HOXC6: variants seen among roughly 807,000 people sequenced by gnomAD.
The protein encoded by HOXC6 is homeobox C6, also known as homeobox protein Hox-C6.
HOXC6 carries 10 observed loss-of-function variants against 24.0 expected under a neutral mutation model. That is an observed-to-expected ratio of 0.42 (90% confidence interval 0.26 to 0.71). The LOEUF is 0.71. Among genes scored for constraint, HOXC6 ranks in the 30% least tolerant of loss-of-function variants. The pLI is 0.28. For missense variants in HOXC6, 258 were observed against 303.4 expected (o/e 0.85, Z 1.11); for synonymous variants, 123 against 128.1 (o/e 0.96, Z 0.27).
intron 1 of HOXC6, among the ~76,000 whole-genome samples, chr12:54,019,647 C>G (rs1940340027): frequency 6.6e-6 from 1 of 152,024 alleles, no homozygotes; most frequent in Non-Finnish European, 1.5e-5. Flanking sequence ...AGTGGAGATT[C>G]ACCTAGAATA....
In HOXC6 at chr12:54,030,005, T is replaced by C. The variant is rs1940923015; in HGVS notation, c.*43T>C. 1 of 1,455,858 alleles carries C rather than the reference T, an allele frequency of 6.9e-7. No individual in the cohort carries two copies. The highest frequency in any genetic ancestry group is 1.4e-5 in the South Asian group (1 of 71,346). 90.2% of individuals were successfully genotyped at this position (1,455,858 alleles called of 1,614,324 possible). On this transcript the variant is annotated 3_prime_UTR_variant, in exon 2 of 2. Transcript: ENST00000243108. ...ACCCCTCTCTCCCTTTCTCCCTCGC[T>C]CCCCACCAACTCTCCCCTAATCACA...
intron 1 of HOXC6, among the ~76,000 whole-genome samples, chr12:54,018,006 C>T (rs146096084): frequency 1.7e-3 from 256 of 152,296 alleles, no homozygotes; most frequent in Non-Finnish European, 3.2e-3. Flanking sequence ...GCTAGGCGGC[C>T]GGCGGGGCCT....
chr12:54,029,716 G>A lies in HOXC6; in HGVS notation c.462G>A (p.Leu154=), dbSNP rs1190604258. 1 of 1,614,192 alleles carries A rather than the reference G, an allele frequency of 6.2e-7. No homozygotes were observed. Among genetic ancestry groups the A allele is most frequent in the Non-Finnish European group, 8.5e-7 (1 of 1,180,038 alleles). The change falls in exon 2 of 2, where the codon CTG becomes CTA. Residue 154 remains leucine, a synonymous_variant. Transcript: ENST00000243108. ...AGATCTACTCGCGGTACCAGACCCT[G>A]GAACTGGAGAAGGAATTTCACTTCA... The part of the protein sequence containing the change: ...GRQIYSRYQT[L]ELEKEFHFNR...
At position 54,028,510 on chromosome 12, in the gene HOXC6, A is replaced by G. The variant is rs1940833212; in HGVS notation, c.-12A>G. ...TAAAGAAATCATAGACCGACCAGGTAAAGGCAAAGGGATGAATTCCTACTT... is the reference window on the plus strand; with the variant it reads ...TAAAGAAATCATAGACCGACCAGGTGAAGGCAAAGGGATGAATTCCTACTT... On this transcript the variant is annotated 5_prime_UTR_variant, in exon 1 of 2. Coordinates refer to ENST00000243108, the MANE Select transcript of HOXC6 (RefSeq NM_004503.4). 1.9e-6 allele frequency: 3 copies of G among 1,611,944 alleles called. No homozygotes were observed. The highest frequency in any genetic ancestry group is 4.5e-5 in the East Asian group (2 of 44,854).
upstream of HOXC6, among the ~76,000 whole-genome samples, chr12:54,025,903 G>A (rs1940673754): frequency 6.6e-6 from 1 of 152,034 alleles, no homozygotes; most frequent in African/African-American, 2.4e-5. Flanking sequence ...AGTCCATGCT[G>A]CCCCAGAAGC....
intron 1 of HOXC6, among the ~76,000 whole-genome samples, chr12:54,029,404 C>A (rs1940885155): frequency 5.7e-5 from 4 of 70,450 alleles, no homozygotes; most frequent in South Asian, 1.2e-3. Context: ...TTTTGCCCCG[C>A]CCCCCCGCCC....
upstream of HOXC6, among the ~76,000 whole-genome samples, chr12:54,025,533 G>C (rs1030364390): frequency 6.2e-5 from 3 of 48,424 alleles, no homozygotes; most frequent in South Asian, 1.1e-3. Context: ...TAATTGGGGG[G>C]GGGGGAGGTG....
upstream of HOXC6, among the ~76,000 whole-genome samples, chr12:54,027,235 G>A (rs1414084035): frequency 3.3e-5 from 5 of 152,164 alleles, no homozygotes; most frequent in Admixed American, 2.0e-4. Flanking sequence ...TTGCTGAGAG[G>A]CCCATCCCCA....
chr12:54,026,906 C>T (rs1244149113), upstream of HOXC6, among the ~76,000 whole-genome samples: 1 of 151,806 alleles, frequency 6.6e-6, no homozygotes, highest in Non-Finnish European at 1.5e-5. Flanking sequence ...TAAAATCCGG[C>T]GACATCCGGG....
At chr12:54,029,592 G>A in intron 1 of HOXC6, 63 bp from the exon 2 acceptor site, 1 of 1,540,720 alleles carries the variant, frequency 6.5e-7, no homozygotes, top group Non-Finnish European at 8.8e-7. Context: ...TTTGCTAGGC[G>A]AAACAGTCTG....
chr12:54,027,919 T>C (rs532535463), upstream of HOXC6, among the ~76,000 whole-genome samples: 11 of 152,178 alleles, frequency 7.2e-5, no homozygotes, highest in East Asian at 2.1e-3. Flanking sequence ...TTTTAATTAT[T>C]GGTGAAAAAA....
chr12:54,028,269 T>TATA (rs1565740843), upstream of HOXC6: 12 of 72,314 alleles, frequency 1.7e-4, no homozygotes, highest in East Asian at 1.1e-3. Flanking sequence ...ATATATATAT[T>TATA]TTTTAAAAGA....
chr12:54,030,740 C>T lies in HOXC6; in HGVS notation c.*778C>T, dbSNP rs899271811. 6.6e-5 allele frequency: 10 copies of T among 152,584 alleles called. No individual in the cohort carries two copies. The highest frequency in any genetic ancestry group is 1.9e-4 in the East Asian group (1 of 5,202). 9.5% of individuals were successfully genotyped at this position (152,584 alleles called of 1,614,324 possible). A position where few individuals can be genotyped will look rare whatever the true frequency, so the allele number is the denominator to read the frequency against. Reference sequence around the variant, plus strand: ...AGAAAATAAATAAATAAATAAATCCCTTCGTGTTACCCTCCTGTATAAATC... The same window carrying T: ...AGAAAATAAATAAATAAATAAATCCTTTCGTGTTACCCTCCTGTATAAATC... On this transcript the variant is annotated 3_prime_UTR_variant, in exon 2 of 2. Coordinates refer to ENST00000243108, the MANE Select transcript of HOXC6 (RefSeq NM_004503.4).
At position 54,030,120 on chromosome 12, in the gene HOXC6, G is replaced by T. The variant is rs756628790; in HGVS notation, c.*158G>T. 117 of 682,612 alleles carry T rather than the reference G, an allele frequency of 1.7e-4. No homozygotes were observed. Among genetic ancestry groups the T allele is most frequent in the Non-Finnish European group, 2.7e-4 (111 of 417,592 alleles). 42.3% of individuals were successfully genotyped at this position (682,612 alleles called of 1,614,324 possible). On this transcript the variant is annotated 3_prime_UTR_variant, in exon 2 of 2. Coordinates refer to ENST00000243108, the MANE Select transcript of HOXC6 (RefSeq NM_004503.4). ...AAACGTGGACCTGAAAGTCAGCTCT[G>T]GACCCCCTCCCTCACCGCACAACTC...
Position 54,028,867 on chromosome 12 carries a change from C to A in HOXC6, c.346C>A (p.Gln116Lys). Residue 116 changes from glutamine (Q) to lysine (K), a missense_variant, in exon 1 of 2, where the codon CAG becomes AAG. By Grantham distance (53) the Gln-to-Lys change is moderately conservative. Transcript: ENST00000243108. The part of the protein sequence containing the change: ...SEQGRTAPQD[Q>K]KASIQIYPWM... ...GCAGGGCAGGACTGCGCCCCAGGAC[C>A]AGAAAGCCAGTATCCAGATTTACCC... 1.2e-6 allele frequency: 2 copies of A among 1,613,880 alleles called. No individual in the cohort carries two copies. The highest frequency in any genetic ancestry group is 1.7e-6 in the Non-Finnish European group (2 of 1,180,028).
In HOXC6 at chr12:54,030,068, G is replaced by C. The variant is rs1341386607; in HGVS notation, c.*106G>C. ...ATCACTGGCACAATTGATGTGTTTT[G>C]ATTCCCTAAAACAAAATTAGGGAGT... On this transcript the variant is annotated 3_prime_UTR_variant, in exon 2 of 2. Coordinates refer to ENST00000243108, the MANE Select transcript of HOXC6 (RefSeq NM_004503.4). The C allele has an allele frequency of 8.4e-7, 1 of 1,191,480 alleles. No individual in the cohort carries two copies. The highest frequency in any genetic ancestry group is 1.2e-6 in the Non-Finnish European group (1 of 868,802). 73.8% of individuals were successfully genotyped at this position (1,191,480 alleles called of 1,614,324 possible). A position where few individuals can be genotyped will look rare whatever the true frequency, so the allele number is the denominator to read the frequency against.
At chr12:54,024,704 G>A (rs1242818974), upstream of HOXC6, among the ~76,000 whole-genome samples, 2 of 146,234 alleles carry the variant, frequency 1.4e-5, no homozygotes, top group Non-Finnish European at 3.0e-5. Flanking sequence ...CATGCCCCCA[G>A]CCTTTCCCTG....
At chr12:54,019,137 C>T (rs935233442) in intron 1 of HOXC6, among the ~76,000 whole-genome samples, 13 of 142,454 alleles carry the variant, frequency 9.1e-5, no homozygotes, top group African/African-American at 3.4e-4. Flanking sequence ...CTGAGGTATT[C>T]TCCCGCGGGA....
At chr12:54,018,136 G>T (rs556721790) in intron 1 of HOXC6, among the ~76,000 whole-genome samples, 82 of 152,010 alleles carry the variant, frequency 5.4e-4, no homozygotes, top group Admixed American at 1.0e-3. Context: ...GGTGCCCTGC[G>T]TTGGGTGGAG....
Sources: gnomAD v4.1 joint callset for allele counts (sites outside exome capture counted in the v4.1 genomes callset) on GRCh38, gnomAD v4.1.1 for gene constraint, MANE v1.5 for transcripts, NCBI Gene and HGNC (gene_info 2026-07-23, HGNC 2026-07-21) for gene names.